Variants in RPA3 observed in about 807,000 individuals in gnomAD.
RPA3 encodes replication protein A3.
In RPA3, 24 loss-of-function variants were observed where a neutral mutation model predicts 13.7. The observed-to-expected ratio is 1.75, with a 90% CI of 1.27 to 2.46. The LOEUF (loss-of-function observed/expected upper bound fraction) is 2.46, where lower values mean the gene tolerates loss of function less well. Ranked by LOEUF, RPA3 falls within the 30% of genes most tolerant of loss-of-function variation. The pLI is 0.00. For missense variants in RPA3, 183 were observed against 151.0 expected (o/e 1.21, Z -1.11); for synonymous variants, 59 against 51.2 (o/e 1.15, Z -0.65).
At chr7:7,666,184 T>TGTTTG (rs1779450754) in intron 4 of RPA3, among the ~76,000 whole-genome samples, 1 of 150,202 alleles carries the variant, frequency 6.7e-6, no homozygotes, top group African/African-American at 2.5e-5. Context: ...GGAAAGTGTT[T>TGTTTG]TTTGTTTGTT....
chr7:7,687,055 C>T (rs938118103), intron 3 of RPA3, among the ~76,000 whole-genome samples, 173 bp downstream of exon 3: 10 of 152,152 alleles, frequency 6.6e-5, no homozygotes, highest in Non-Finnish European at 1.3e-4. Flanking sequence ...TTCCTTTGAA[C>T]TTCCTTTATG....
At position 7,642,483 on chromosome 7, in the gene RPA3, TA is replaced by T. The variant is rs202168824; in HGVS notation, c.-757-1309del. 3.8e-3 allele frequency among the ~76,000 whole-genome samples: 496 copies of T among 129,656 alleles called. 14 individuals are homozygous for T. In the East Asian group the frequency reaches 0.081, roughly 21 times the overall value. 85.1% of individuals were successfully genotyped at this position (129,656 alleles called of 152,430 possible). A position where few individuals can be genotyped will look rare whatever the true frequency, so the allele number is the denominator to read the frequency against. On this transcript the variant is annotated intron_variant, in intron 4 of 7. Transcript: ENST00000223129. ...CTGTAATAGTGATTTTTTTTTTTTT[TA>T]AAGAGCACTCCTGTGAGTACCAGAT...
chr7:7,701,857 T>G (rs1780472279), intron 2 of RPA3, among the ~76,000 whole-genome samples: 1 of 152,190 alleles, frequency 6.6e-6, no homozygotes, highest in African/African-American at 2.4e-5. Context: ...GTATTTGCTT[T>G]CTTCAGTCTC....
At position 7,637,113 on chromosome 7, in the gene RPA3, C is replaced by G. The variant is rs10265415; in HGVS notation, c.284-31G>C. The G allele has an allele frequency of 2.4e-3, 3,430 of 1,427,788 alleles. 53 individuals are homozygous for G. The African/African-American group carries it at 0.039, about 16-fold the overall frequency. 88.4% of individuals were successfully genotyped at this position (1,427,788 alleles called of 1,614,324 possible). ...AGAAACATTTAAGCAAACATTTAAT[C>G]TACAATGGAAAGTTGTAACATCAAT... On this transcript the variant is annotated intron_variant, in intron 7 of 7. Transcript: ENST00000223129.
chr7:7,673,466 A>T, intron 4 of RPA3: 1 of 772,872 alleles, frequency 1.3e-6, no homozygotes, highest in Non-Finnish European at 2.2e-6. Flanking sequence ...GAGTCTTTTT[A>T]AGAAACAAAA....
At chr7:7,685,649 G>A (rs1380500096) in intron 4 of RPA3, among the ~76,000 whole-genome samples, 181 bp downstream of exon 4, 1 of 152,108 alleles carries the variant, frequency 6.6e-6, no homozygotes, top group Non-Finnish European at 1.5e-5. Flanking sequence ...AAATTTAAGT[G>A]TTGGCCCACT....
In RPA3 at chr7:7,692,695, C is replaced by G. The variant is rs866667932; in HGVS notation, c.-1027-5367G>C. Among the ~76,000 whole-genome samples the G allele has an allele frequency of 2.6e-5, 4 of 152,140 alleles. No individual in the cohort carries two copies. The South Asian group carries it at 8.3e-4, about 32-fold the overall frequency. On this transcript the variant is annotated intron_variant, in intron 2 of 7. Coordinates refer to ENST00000223129, the MANE Select transcript of RPA3 (RefSeq NM_002947.5). ...CGTGATCTCAGCTCACTGCAACCTCCACCTCCTGGGTTCAAGTGATTCTCC... is the reference window on the plus strand; with the variant it reads ...CGTGATCTCAGCTCACTGCAACCTCGACCTCCTGGGTTCAAGTGATTCTCC...
intron 4 of RPA3, among the ~76,000 whole-genome samples, chr7:7,649,176 A>G (rs950896512): frequency 5.5e-5 from 1 of 18,184 alleles, no homozygotes; most frequent in Non-Finnish European, 9.0e-5. Context: ...AAAAAAAAAA[A>G]AAAGAAAAGA....
At position 7,643,977 on chromosome 7, in the gene RPA3, A is replaced by C. The variant is rs948337883; in HGVS notation, c.-757-2802T>G. On this transcript the variant is annotated intron_variant, in intron 4 of 7. Transcript: ENST00000223129. ...TGCTACTGACCCGTGAGGATAGGCC[A>C]CCGGTAACTTGGGGTAACTTGGATC... Among the ~76,000 whole-genome samples the C allele has an allele frequency of 3.9e-5, 6 of 152,284 alleles. No individual in the cohort carries two copies. In the East Asian group the frequency reaches 1.2e-3, roughly 29 times the overall value.
chr7:7,666,952 C>A (rs985094654), intron 4 of RPA3, among the ~76,000 whole-genome samples: 1 of 152,148 alleles, frequency 6.6e-6, no homozygotes, highest in Non-Finnish European at 1.5e-5. Flanking sequence ...GGATTGCAGG[C>A]GTGCGCCACC....
intron 4 of RPA3, among the ~76,000 whole-genome samples, chr7:7,658,539 G>A (rs950146299): frequency 4.6e-5 from 7 of 152,020 alleles, no homozygotes; most frequent in East Asian, 1.9e-4. Flanking sequence ...GAATTTTATC[G>A]AAGGCCTTTT....
intron 3 of RPA3, among the ~76,000 whole-genome samples, chr7:7,686,267 GAGGGTGTATC>G (rs1780039491): frequency 6.6e-6 from 1 of 152,182 alleles, no homozygotes; most frequent in Non-Finnish European, 1.5e-5. Flanking sequence ...GCTGAATAGA[GAGGGTGTATC>G]AGGGCCACTA....
chr7:7,669,734 T>C (rs781573481), intron 4 of RPA3, among the ~76,000 whole-genome samples: 55 of 152,200 alleles, frequency 3.6e-4, no homozygotes, highest in Admixed American at 5.9e-4. Flanking sequence ...GGTGGTCAGA[T>C]TGGTGGAGTG....
At chr7:7,709,550 C>T (rs928651354) in intron 2 of RPA3, among the ~76,000 whole-genome samples, 2 of 152,214 alleles carry the variant, frequency 1.3e-5, no homozygotes, top group African/African-American at 4.8e-5. Flanking sequence ...AGGCGCTGAG[C>T]CTGCAAGGGC....
intron 2 of RPA3, chr7:7,692,311 T>C (rs899120776): frequency 6.6e-6 from 1 of 152,192 alleles, no homozygotes; most frequent in African/African-American, 2.4e-5. Flanking sequence ...CTAGTAGTCA[T>C]GAGGAGAATT....
intron 4 of RPA3, among the ~76,000 whole-genome samples, chr7:7,671,433 G>A (rs1055821815): frequency 3.9e-5 from 6 of 152,172 alleles, no homozygotes; most frequent in South Asian, 4.1e-4. Context: ...TCTACACTGA[G>A]GTTTTAATAT....
At chr7:7,682,472 G>A (rs1345557434) in intron 4 of RPA3, among the ~76,000 whole-genome samples, 2 of 151,926 alleles carry the variant, frequency 1.3e-5, no homozygotes, top group Non-Finnish European at 2.9e-5. Flanking sequence ...TCTCTTCATC[G>A]CTGTGTTGTT....
intron 2 of RPA3, among the ~76,000 whole-genome samples, chr7:7,696,018 AT>A (rs1228974160): frequency 7.1e-6 from 1 of 141,496 alleles, no homozygotes; most frequent in Non-Finnish European, 1.5e-5. Flanking sequence ...TACCAGTGTA[AT>A]TTTTTTTTGA....
chr7:7,706,559 A>G (rs1484301394), intron 2 of RPA3, among the ~76,000 whole-genome samples: 1 of 152,208 alleles, frequency 6.6e-6, no homozygotes, highest in African/African-American at 2.4e-5. Context: ...TTAAAATTGG[A>G]AAAAATGAGG....
Sources: allele counts gnomAD v4.1 joint callset (sites outside exome capture counted in the v4.1 genomes callset), GRCh38; gene constraint gnomAD v4.1.1; transcripts MANE v1.5; gene names NCBI Gene and HGNC (gene_info 2026-07-23, HGNC 2026-07-21).